Variants in LDLRAP1 observed in about 807,000 individuals in gnomAD.
LDLRAP1 encodes the protein low density lipoprotein receptor adapter protein 1.
LDLRAP1 carries 30 observed loss-of-function variants against 37.8 expected under a neutral mutation model. The ratio of observed to expected loss-of-function variants is 0.79; its 90% CI spans 0.59 to 1.08. The LOEUF is 1.08. Among genes scored for constraint, LDLRAP1 ranks in the 50% least tolerant of loss-of-function variants. The pLI is 0.00. For synonymous variants in LDLRAP1, 156 were observed against 169.8 expected, an observed-to-expected ratio of 0.92 and a Z score of 0.63; for missense variants, 375 against 401.6, an observed-to-expected ratio of 0.93 and a Z score of 0.57.
intron 7 of LDLRAP1, 55 bp from the exon 8 acceptor site, chr1:25,565,118 G>C (rs2124696590): frequency 1.3e-6 from 2 of 1,590,428 alleles, no homozygotes; most frequent in Non-Finnish European, 1.7e-6. Flanking sequence ...AGCCCCAGCT[G>C]TGAGCATGGG....
intron 4 of LDLRAP1, among the ~76,000 whole-genome samples, chr1:25,560,239 T>G (rs1011620554): frequency 1.3e-5 from 2 of 152,092 alleles, no homozygotes; most frequent in Non-Finnish European, 2.9e-5. Context: ...TTGAGGGCCT[T>G]GAATCGGGAT....
chr1:25,557,536 G>A (rs574900904), intron 4 of LDLRAP1: 16 of 526,524 alleles, frequency 3.0e-5, no homozygotes, highest in South Asian at 1.8e-4. Flanking sequence ...TCTCTGTAAC[G>A]GGATTTGCTG....
the LDLRAP1 span, among the ~76,000 whole-genome samples, chr1:25,585,200 A>G: frequency 6.6e-6 from 1 of 152,344 alleles, no homozygotes; most frequent in South Asian, 2.1e-4. Context: ...ATAATCGCAA[A>G]AGAGGAAGTA....
downstream of LDLRAP1, among the ~76,000 whole-genome samples, chr1:25,573,178 A>G (rs1553176438): frequency 6.6e-6 from 1 of 152,060 alleles, no homozygotes; most frequent in Non-Finnish European, 1.5e-5. Context: ...TGGGGAGGAG[A>G]CAAGTTGTGT....
chr1:25,580,279 C>G, the LDLRAP1 span, among the ~76,000 whole-genome samples: 1 of 152,022 alleles, frequency 6.6e-6, no homozygotes, highest in African/African-American at 2.4e-5. Context: ...TCACTAGGCT[C>G]GAGGCCGGGC....
intron 4 of LDLRAP1, among the ~76,000 whole-genome samples, chr1:25,558,765 A>G (rs564114838): frequency 6.6e-6 from 1 of 152,296 alleles, no homozygotes; most frequent in South Asian, 2.1e-4. Context: ...CCATCGCCAC[A>G]TCCTTAACTC....
At chr1:25,553,770 C>CAAAA in intron 1 of LDLRAP1, 152 bp from the exon 2 acceptor site, 5 of 599,980 alleles carry the variant, frequency 8.3e-6, no homozygotes, top group East Asian at 6.5e-5. Flanking sequence ...AACTCAGTCT[C>CAAAA]AAAAAAAAAA....
At chr1:25,570,577 C>T (rs529153617), downstream of LDLRAP1, among the ~76,000 whole-genome samples, 66 of 152,166 alleles carry the variant, frequency 4.3e-4, 1 homozygote, top group African/African-American at 1.4e-3. Flanking sequence ...AGAAGTAACC[C>T]GGCCGGGCGC....
Position 25,551,041 on chromosome 1 carries a change from G to A in LDLRAP1, c.89-2881G>A, listed in dbSNP as rs144887735. On this transcript the variant is annotated intron_variant, in intron 1 of 8. Coordinates refer to ENST00000374338, the MANE Select transcript of LDLRAP1 (RefSeq NM_015627.3). ...TGGAGAGGGAGAGTGGAGAATGTTTGCCAGGGGTAGGGATGGATAATGAGA... is the reference window on the plus strand; with the variant it reads ...TGGAGAGGGAGAGTGGAGAATGTTTACCAGGGGTAGGGATGGATAATGAGA... Among the ~76,000 whole-genome samples the A allele has an allele frequency of 6.2e-3, 939 of 152,282 alleles. 13 individuals are homozygous for A. Among genetic ancestry groups the A allele is most frequent in the African/African-American group, 0.021 (860 of 41,550 alleles).
rs1243436494 is a variant in LDLRAP1, at chr1:25,563,498, G to A, written c.617-163G>A. 1.0e-4 allele frequency: 91 copies of A among 882,454 alleles called. No individual in the cohort carries two copies. The East Asian group carries it at 2.3e-3, about 23-fold the overall frequency. The allele number at this position is 882,454 out of a possible 1,614,324, so 54.7% of individuals were successfully genotyped here. A position where few individuals can be genotyped will look rare whatever the true frequency, so the allele number is the denominator to read the frequency against. Reference sequence around the variant, plus strand: ...CCATTAGTCAGGTTCTCACTCTGTGGGCAGCTGCGCATCTGCTGTGGGGAG... The same window carrying A: ...CCATTAGTCAGGTTCTCACTCTGTGAGCAGCTGCGCATCTGCTGTGGGGAG... On this transcript the variant is annotated intron_variant, in intron 6 of 8. Transcript: ENST00000374338.
chr1:25,558,189 T>C (rs1004935895), intron 4 of LDLRAP1, among the ~76,000 whole-genome samples: 55 of 152,296 alleles, frequency 3.6e-4, no homozygotes, highest in African/African-American at 1.2e-3. Flanking sequence ...CCCTATAAGG[T>C]GCTTCCTGAC....
At chr1:25,575,324 G>A in the LDLRAP1 span, among the ~76,000 whole-genome samples, 2 of 150,998 alleles carry the variant, frequency 1.3e-5, no homozygotes, top group Admixed American at 6.6e-5. Context: ...AGGGGCTCAT[G>A]CCTGTAATCC....
chr1:25,579,278 C>T, the LDLRAP1 span, among the ~76,000 whole-genome samples: 3 of 152,186 alleles, frequency 2.0e-5, no homozygotes, highest in Non-Finnish European at 2.9e-5. Flanking sequence ...AGCACCTGCA[C>T]ACAGATCTGC....
At chr1:25,569,381 T>C (rs1245235615), downstream of LDLRAP1, among the ~76,000 whole-genome samples, 1 of 152,082 alleles carries the variant, frequency 6.6e-6, no homozygotes, top group African/African-American at 2.4e-5. Context: ...GAACTCAGGA[T>C]GTGTGGTTTG....
chr1:25,553,944 C>T lies in LDLRAP1; in HGVS notation c.111C>T (p.Asp37=), dbSNP rs772069832. The change falls in exon 2 of 9, where the codon GAC becomes GAT. Residue 37 remains aspartate (D), a synonymous_variant. Transcript: ENST00000374338. ...RHRKLPENWT[D]TRETLLEGML... ...CAGAGCTGCCTGAGAACTGGACAGACACGCGGGAGACGCTGCTGGAGGGGA... is the reference window on the plus strand; with the variant it reads ...CAGAGCTGCCTGAGAACTGGACAGATACGCGGGAGACGCTGCTGGAGGGGA... The T allele has an allele frequency of 1.2e-6, 2 of 1,613,986 alleles. No individual in the cohort carries two copies. Among genetic ancestry groups the T allele is most frequent in the Non-Finnish European group, 1.7e-6 (2 of 1,179,998 alleles).
chr1:25,557,215 A>G lies in LDLRAP1; in HGVS notation c.407A>G (p.Gln136Arg), dbSNP rs2044223834. The stretch of plus-strand genomic sequence containing the variant: ...GTGTTTGCATACATCGCCCAGAGCC[A>G]GCACAACCAGAGCCTCGAGTGCCAC... ...DKVFAYIAQSQHNQSLECHAF... is the reference protein window; with the variant it reads ...DKVFAYIAQSRHNQSLECHAF... The change falls in exon 4 of 9, where the codon CAG (glutamine) becomes CGG (arginine). Residue 136 changes from glutamine (Q) to arginine (R), a missense_variant. Coordinates refer to ENST00000374338, the MANE Select transcript of LDLRAP1 (RefSeq NM_015627.3). 1 of 1,614,206 alleles carries G rather than the reference A, an allele frequency of 6.2e-7. No individual in the cohort carries two copies. Among genetic ancestry groups the G allele is most frequent in the Non-Finnish European group, 8.5e-7 (1 of 1,180,026 alleles).
the LDLRAP1 span, among the ~76,000 whole-genome samples, chr1:25,574,037 G>A: frequency 6.6e-6 from 1 of 152,358 alleles, no homozygotes; most frequent in South Asian, 2.1e-4. Flanking sequence ...AAGGGGAGTG[G>A]CCTGGCCGGC....
the LDLRAP1 span, among the ~76,000 whole-genome samples, chr1:25,585,426 C>T: frequency 1.3e-5 from 2 of 151,798 alleles, no homozygotes; most frequent in Admixed American, 6.6e-5. Flanking sequence ...CCTGGGTTCA[C>T]GTCATTCTCC....
intron 4 of LDLRAP1, among the ~76,000 whole-genome samples, chr1:25,557,679 A>G (rs1232731373): frequency 1.3e-5 from 2 of 152,044 alleles, no homozygotes; most frequent in South Asian, 4.2e-4. Context: ...TCAGAGAACC[A>G]GGCTTGCTGT....
Sources: gnomAD v4.1 joint callset for allele counts (sites outside exome capture counted in the v4.1 genomes callset) on GRCh38, gnomAD v4.1.1 for gene constraint, MANE v1.5 for transcripts, NCBI Gene and HGNC (gene_info 2026-07-23, HGNC 2026-07-21) for gene names.